The following ST8SIA1 variants were observed in gnomAD, a reference collection of about 807,000 sequenced individuals.
ST8SIA1 encodes alpha-N-acetylneuraminide alpha-2,8-sialyltransferase.
A neutral mutation model predicts 35.9 loss-of-function variants in ST8SIA1; 16 were observed. The ratio of observed to expected loss-of-function variants is 0.45; its 90% CI spans 0.30 to 0.68. ST8SIA1 has a LOEUF of 0.68. ST8SIA1 is among the 30% of genes least tolerant of loss of function. ST8SIA1 has a pLI of 0.09. For missense variants in ST8SIA1, 383 were observed against 453.6 expected, an observed-to-expected ratio of 0.84 and a Z score of 1.41; for synonymous variants, 170 against 169.6, an observed-to-expected ratio of 1.00 and a Z score of -0.02.
At chr12:22,229,761 A>G (rs1214426149) in intron 4 of ST8SIA1, among the ~76,000 whole-genome samples, 2 of 152,192 alleles carry the variant, frequency 1.3e-5, no homozygotes, top group South Asian at 2.1e-4. Context: ...CATATGAAAC[A>G]TGAGGTACCT....
intron 1 of ST8SIA1, among the ~76,000 whole-genome samples, chr12:22,288,877 TTTTC>T (rs1228009186): frequency 6.6e-6 from 1 of 152,066 alleles, no homozygotes; most frequent in African/African-American, 2.4e-5. Context: ...ATGGTAAAGG[TTTTC>T]TTTGTTGTTT....
intron 3 of ST8SIA1, among the ~76,000 whole-genome samples, chr12:22,250,379 C>A (rs925231746): frequency 2.0e-5 from 3 of 152,008 alleles, no homozygotes; most frequent in African/African-American, 7.2e-5. Flanking sequence ...AGTAAATATT[C>A]AAAAATATCA....
At chr12:22,279,297 G>T (rs985557868) in intron 2 of ST8SIA1, among the ~76,000 whole-genome samples, 2 of 152,134 alleles carry the variant, frequency 1.3e-5, no homozygotes, top group Admixed American at 6.5e-5. Flanking sequence ...CTTGGTTTAT[G>T]ACTTAATTTC....
At chr12:22,268,120 G>T (rs898506215) in intron 2 of ST8SIA1, among the ~76,000 whole-genome samples, 1 of 152,178 alleles carries the variant, frequency 6.6e-6, no homozygotes, top group Non-Finnish European at 1.5e-5. Context: ...TGTCTCCAGA[G>T]CCTACCACAT....
intron 1 of ST8SIA1, 145 bp downstream of exon 1, chr12:22,333,852 C>A (rs1284075374): frequency 1.2e-6 from 1 of 844,286 alleles, no homozygotes; most frequent in East Asian, 2.4e-5. Context: ...TTGGGAATGG[C>A]ACAAATGGAG....
chr12:22,205,517 TTAA>T (rs1565566233), intron 4 of ST8SIA1, among the ~76,000 whole-genome samples: 1 of 152,140 alleles, frequency 6.6e-6, no homozygotes, highest in Non-Finnish European at 1.5e-5. Flanking sequence ...TTTAAATTAC[TTAA>T]TAAACAATAT....
chr12:22,222,665 A>G (rs1349521561), intron 4 of ST8SIA1, among the ~76,000 whole-genome samples: 1 of 151,906 alleles, frequency 6.6e-6, no homozygotes, highest in Non-Finnish European at 1.5e-5. Context: ...TATACACTGT[A>G]TCTCTAGGTT....
At chr12:22,250,454 C>T (rs1245430725) in intron 3 of ST8SIA1, among the ~76,000 whole-genome samples, 16 of 152,120 alleles carry the variant, frequency 1.1e-4, no homozygotes, top group Non-Finnish European at 1.8e-4. Context: ...ATGCCAAATG[C>T]GCCTATAGTT....
intron 3 of ST8SIA1, 118 bp from the exon 4 acceptor site, chr12:22,249,216 TTTTG>T: frequency 1.6e-4 from 108 of 680,516 alleles, no homozygotes; most frequent in Non-Finnish European, 1.8e-4. Flanking sequence ...CTGTTTTGTT[TTTTG>T]TTTTTTTTTT....
intron 2 of ST8SIA1, among the ~76,000 whole-genome samples, chr12:22,285,035 A>G (rs1224694757): frequency 1.3e-5 from 2 of 152,234 alleles, no homozygotes; most frequent in South Asian, 4.1e-4. Context: ...AGTTTGTAGC[A>G]GTTTTCATAC....
chr12:22,194,806 A>G lies in ST8SIA1; in HGVS notation c.*6746T>C, dbSNP rs921445292. ...GAGGGTCAAAGTGACACTTGCTGCTATCACTGCCTCATCATGACAGATGTA... is the reference window on the plus strand; with the variant it reads ...GAGGGTCAAAGTGACACTTGCTGCTGTCACTGCCTCATCATGACAGATGTA... On this transcript the variant is annotated 3_prime_UTR_variant, in exon 5 of 5. Transcript: ENST00000396037. 6.6e-6 allele frequency: 1 copy of G among 152,202 alleles called. No homozygotes were observed. The highest frequency in any genetic ancestry group is 2.4e-5 in the African/African-American group (1 of 41,444). 9.4% of individuals were successfully genotyped at this position (152,202 alleles called of 1,614,324 possible). A position where few individuals can be genotyped will look rare whatever the true frequency, so the allele number is the denominator to read the frequency against.
chr12:22,245,684 C>T (rs111360462), intron 4 of ST8SIA1, among the ~76,000 whole-genome samples: 40 of 152,330 alleles, frequency 2.6e-4, no homozygotes, highest in African/African-American at 7.9e-4. Flanking sequence ...AGTTGACTGA[C>T]GGCTGGCAGC....
At position 22,327,941 on chromosome 12, in the gene ST8SIA1, C is replaced by T. The variant is rs537350945; in HGVS notation, c.236+6056G>A. The stretch of plus-strand genomic sequence containing the variant: ...ACTTTCAAGGTTTCTTAAATCCTGT[C>T]GATAGGGCAGGTTTTGTTTCTGCAA... On this transcript the variant is annotated intron_variant, in intron 1 of 4. Coordinates refer to ENST00000396037, the MANE Select transcript of ST8SIA1 (RefSeq NM_003034.4). 6.6e-5 allele frequency among the ~76,000 whole-genome samples: 10 copies of T among 152,282 alleles called. No individual in the cohort carries two copies. The East Asian group carries it at 1.7e-3, about 26-fold the overall frequency.
intron 4 of ST8SIA1, among the ~76,000 whole-genome samples, chr12:22,226,733 C>G (rs1182536300): frequency 6.6e-6 from 1 of 152,074 alleles, no homozygotes; most frequent in Non-Finnish European, 1.5e-5. Context: ...CCAACATGAA[C>G]TTTATTGCTT....
chr12:22,208,754 C>T (rs1591824086), intron 4 of ST8SIA1, among the ~76,000 whole-genome samples: 1 of 152,086 alleles, frequency 6.6e-6, no homozygotes. Flanking sequence ...GTAATAAAAA[C>T]ACTATGGAAC....
intron 1 of ST8SIA1, chr12:22,325,457 C>CA (rs1179207058): frequency 2.8e-6 from 2 of 702,098 alleles, no homozygotes; most frequent in Admixed American, 4.0e-5. Flanking sequence ...TGCAATGCCA[C>CA]AGCTAGAAGA....
Position 22,198,789 on chromosome 12 carries a change from A to ATCTCAG in ST8SIA1, c.*2757_*2762dup, listed in dbSNP as rs1247355074. 7 of 152,310 alleles carry ATCTCAG rather than the reference A, an allele frequency of 4.6e-5. No homozygotes were observed. Among genetic ancestry groups the ATCTCAG allele is most frequent in the Admixed American group, 4.6e-4 (7 of 15,298 alleles). 9.4% of individuals were successfully genotyped at this position (152,310 alleles called of 1,614,324 possible). A position where few individuals can be genotyped will look rare whatever the true frequency, so the allele number is the denominator to read the frequency against. ...AGATGTCAACCTTGATACTACTGAC[A>ATCTCAG]TCTCAGCCTGGATAATTATTTTGCT... On this transcript the variant is annotated 3_prime_UTR_variant, in exon 5 of 5. Transcript: ENST00000396037.
chr12:22,325,974 G>C, intron 1 of ST8SIA1: 1 of 651,724 alleles, frequency 1.5e-6, no homozygotes, highest in Non-Finnish European at 2.8e-6. Flanking sequence ...AGACATAGTG[G>C]GACAAAGTGA....
chr12:22,308,858 C>T (rs1866415729), intron 1 of ST8SIA1, among the ~76,000 whole-genome samples: 1 of 152,108 alleles, frequency 6.6e-6, no homozygotes, highest in Admixed American at 6.6e-5. Flanking sequence ...TCTCTAAGTG[C>T]TTTTTCTCTC....
Sources: allele counts gnomAD v4.1 joint callset (sites outside exome capture counted in the v4.1 genomes callset), GRCh38; gene constraint gnomAD v4.1.1; transcripts MANE v1.5; gene names NCBI Gene and HGNC (gene_info 2026-07-23, HGNC 2026-07-21).